The following SORCS3 variants were observed in gnomAD, a reference collection of about 807,000 sequenced individuals.
SORCS3 encodes sortilin related VPS10 domain containing receptor 3.
SORCS3 carries 57 observed loss-of-function variants against 146.3 expected under a neutral mutation model. The ratio of observed to expected loss-of-function variants is 0.39; its 90% CI spans 0.31 to 0.49. The LOEUF is 0.49. Ranked by LOEUF, SORCS3 falls within the 20% of genes least tolerant of loss-of-function variation. The pLI, the probability that SORCS3 is intolerant of heterozygous loss-of-function variation, is 0.92. For missense variants in SORCS3, 1,341 were observed against 1,575.5 expected (o/e 0.85, Z 2.52); for synonymous variants, 653 against 618.5 (o/e 1.06, Z -0.83).
At chr10:104,754,524 A>G (rs898320121) in intron 1 of SORCS3, among the ~76,000 whole-genome samples, 1 of 152,132 alleles carries the variant, frequency 6.6e-6, no homozygotes, top group Non-Finnish European at 1.5e-5. Context: ...AGGGGGGGAA[A>G]AACTTTACCC....
chr10:104,680,751 T>C (rs1254923426), intron 1 of SORCS3, among the ~76,000 whole-genome samples: 2 of 152,258 alleles, frequency 1.3e-5, no homozygotes, highest in Non-Finnish European at 2.9e-5. Context: ...CCTTGGCCCA[T>C]GACTTCCAGG....
chr10:105,222,969 A>G, intron 19 of SORCS3, 147 bp from the exon 20 acceptor site: 2 of 794,744 alleles, frequency 2.5e-6, no homozygotes, highest in Admixed American at 3.0e-5. Context: ...TCAAGCGTGT[A>G]TACACACCTC....
chr10:104,747,268 C>T lies in SORCS3; in HGVS notation c.628-95524C>T, dbSNP rs76201727. Among the ~76,000 whole-genome samples the T allele has an allele frequency of 5.0e-3, 768 of 152,270 alleles. 8 individuals are homozygous for T. Among genetic ancestry groups the T allele is most frequent in the African/African-American group, 0.018 (749 of 41,538 alleles). On this transcript the variant is annotated intron_variant, in intron 1 of 26. Transcript: ENST00000369701. The stretch of plus-strand genomic sequence containing the variant: ...CCAGCTGCTCAAAGTGTTTGTCCTA[C>T]CATGATTTCTGTTTTTTGAGGATGG...
intron 3 of SORCS3, among the ~76,000 whole-genome samples, chr10:104,930,014 A>G (rs1233991028): frequency 6.6e-6 from 1 of 152,080 alleles, no homozygotes; most frequent in Non-Finnish European, 1.5e-5. Flanking sequence ...CAAAGAATTA[A>G]AAATAGCTGC....
intron 1 of SORCS3, among the ~76,000 whole-genome samples, chr10:104,807,235 G>A (rs553219020): frequency 2.6e-4 from 39 of 152,012 alleles, no homozygotes; most frequent in African/African-American, 7.0e-4. Flanking sequence ...GCATGCGTGC[G>A]CATGCACATG....
At chr10:104,854,146 G>A (rs2018304406) in intron 2 of SORCS3, among the ~76,000 whole-genome samples, 1 of 152,158 alleles carries the variant, frequency 6.6e-6, no homozygotes, top group Non-Finnish European at 1.5e-5. Flanking sequence ...CTGTTCTCCT[G>A]AACCTTAGAC....
At chr10:104,947,103 G>A (rs2019379637) in intron 3 of SORCS3, among the ~76,000 whole-genome samples, 1 of 152,112 alleles carries the variant, frequency 6.6e-6, no homozygotes, top group Non-Finnish European at 1.5e-5. Flanking sequence ...AATCCGCACC[G>A]ATATGTGGCC....
At chr10:105,060,904 T>C (rs111542348) in intron 5 of SORCS3, among the ~76,000 whole-genome samples, 8,915 of 150,228 alleles carry the variant, frequency 0.059, 287 homozygotes, top group Middle Eastern at 0.088. Flanking sequence ...GCCATTGCAC[T>C]CCAGCCTGGC....
chr10:105,133,509 T>G (rs2133773909), intron 7 of SORCS3, among the ~76,000 whole-genome samples: 1 of 152,350 alleles, frequency 6.6e-6, no homozygotes, highest in South Asian at 2.1e-4. Flanking sequence ...AATGAAAGGC[T>G]ATATGATGTT....
intron 2 of SORCS3, among the ~76,000 whole-genome samples, chr10:104,910,477 C>T (rs1313155055): frequency 6.6e-6 from 1 of 152,036 alleles, no homozygotes; most frequent in Admixed American, 6.6e-5. Context: ...TATTCATAAG[C>T]TGAAACACTA....
At chr10:105,224,396 A>G (rs1475477385) in intron 20 of SORCS3, among the ~76,000 whole-genome samples, 1 of 152,084 alleles carries the variant, frequency 6.6e-6, no homozygotes, top group Non-Finnish European at 1.5e-5. Flanking sequence ...AGTTTCCTCC[A>G]TGTCTTTTCG....
At chr10:104,749,519 T>C (rs1355576253) in intron 1 of SORCS3, among the ~76,000 whole-genome samples, 1 of 152,212 alleles carries the variant, frequency 6.6e-6, no homozygotes, top group African/African-American at 2.4e-5. Context: ...CTATCAAGTT[T>C]AGTGCGTTCT....
At chr10:105,203,141 A>G (rs2056584124) in intron 16 of SORCS3, among the ~76,000 whole-genome samples, 1 of 152,004 alleles carries the variant, frequency 6.6e-6, no homozygotes, top group African/African-American at 2.4e-5. Flanking sequence ...CAGAGGAGTG[A>G]CTCTGCTCTC....
At chr10:104,665,431 C>T (rs943382258) in intron 1 of SORCS3, 1 of 152,200 alleles carries the variant, frequency 6.6e-6, no homozygotes, top group African/African-American at 2.4e-5. Flanking sequence ...GGAACAGGGT[C>T]TATTCCACGG....
chr10:105,181,818 T>C (rs2056444466), intron 14 of SORCS3, among the ~76,000 whole-genome samples: 1 of 152,060 alleles, frequency 6.6e-6, no homozygotes, highest in South Asian at 2.1e-4. Flanking sequence ...CTCCAGATGA[T>C]GAGATGCCTG....
chr10:104,961,261 A>G (rs1330507083), intron 3 of SORCS3, among the ~76,000 whole-genome samples: 1 of 152,136 alleles, frequency 6.6e-6, no homozygotes, highest in East Asian at 1.9e-4. Flanking sequence ...CTGAAAACCA[A>G]ACACACCTGG....
At chr10:105,154,702 T>C (rs945329388) in intron 9 of SORCS3, among the ~76,000 whole-genome samples, 1 of 152,192 alleles carries the variant, frequency 6.6e-6, no homozygotes, top group Non-Finnish European at 1.5e-5. Flanking sequence ...ACATTGCATT[T>C]AGTGAGGGTG....
intron 2 of SORCS3, among the ~76,000 whole-genome samples, chr10:104,900,709 T>G (rs538558026): frequency 3.1e-3 from 466 of 152,040 alleles, no homozygotes; most frequent in Middle Eastern, 6.8e-3. Flanking sequence ...GCCAACATGG[T>G]GAAACCCCGT....
chr10:105,215,944 T>C (rs1355095899), intron 18 of SORCS3, among the ~76,000 whole-genome samples: 2 of 142,544 alleles, frequency 1.4e-5, no homozygotes, highest in Non-Finnish European at 3.0e-5. Context: ...GTCAAGTGCA[T>C]TGTGTTGATC....
Sources: gnomAD v4.1 joint callset for allele counts (sites outside exome capture counted in the v4.1 genomes callset) on GRCh38, gnomAD v4.1.1 for gene constraint, MANE v1.5 for transcripts, NCBI Gene and HGNC (gene_info 2026-07-23, HGNC 2026-07-21) for gene names.